Variants in RTTN observed in about 807,000 individuals in gnomAD.
The protein encoded by RTTN is rotatin.
Under a neutral mutation model 269.2 loss-of-function variants are expected in RTTN, and 182 were observed. That is an observed-to-expected ratio of 0.68 (90% CI 0.60 to 0.76). The LOEUF is 0.76. Among genes scored for constraint, RTTN ranks in the 30% least tolerant of loss-of-function variants. The pLI, the probability that RTTN is intolerant of heterozygous loss-of-function variation, is 0.00. For synonymous variants in RTTN, 1,006 were observed against 963.5 expected, an observed-to-expected ratio of 1.04 and a Z score of -0.82; for missense variants, 2,545 against 2,608.6, an observed-to-expected ratio of 0.98 and a Z score of 0.53.
At chr18:70,085,726 G>T (rs2058683277) in intron 32 of RTTN, among the ~76,000 whole-genome samples, 1 of 152,080 alleles carries the variant, frequency 6.6e-6, no homozygotes, top group Non-Finnish European at 1.5e-5. Flanking sequence ...CTCAAAAATA[G>T]AAAATCAAAT....
intron 42 of RTTN, among the ~76,000 whole-genome samples, chr18:70,029,026 T>C (rs1045624088): frequency 6.6e-6 from 1 of 152,174 alleles, no homozygotes; most frequent in African/African-American, 2.4e-5. Context: ...CTATCAAGCA[T>C]GGAGGAACTC....
chr18:70,145,029 C>T (rs1328912930), intron 18 of RTTN, among the ~76,000 whole-genome samples: 1 of 152,186 alleles, frequency 6.6e-6, no homozygotes, highest in Non-Finnish European at 1.5e-5. Context: ...ACAGCCGCTG[C>T]CCATTGCTGC....
At chr18:70,198,759 T>G (rs971567619) in intron 5 of RTTN, among the ~76,000 whole-genome samples, 6 of 152,178 alleles carry the variant, frequency 3.9e-5, no homozygotes, top group Non-Finnish European at 8.8e-5. Context: ...TTGAAATATA[T>G]TCTGCCAAAA....
At position 70,134,693 on chromosome 18, in the gene RTTN, C is replaced by T. The variant is rs1304108101; in HGVS notation, c.2886-152G>A. The T allele has an allele frequency of 5.2e-6, 3 of 578,454 alleles. No homozygotes were observed. In the African/African-American group the frequency reaches 5.8e-5, roughly 11 times the overall value. The allele number at this position is 578,454 out of a possible 1,614,324, so 35.8% of individuals were successfully genotyped here. ...TAGTATAGAAACAACATGTTTGCTA[C>T]TTCCTAGATTTGCTTATGAAGAGTA... On this transcript the variant is annotated intron_variant, in intron 22 of 48. Coordinates refer to ENST00000640769, the MANE Select transcript of RTTN (RefSeq NM_173630.4).
chr18:70,040,735 A>G (rs1487150307), intron 40 of RTTN, among the ~76,000 whole-genome samples: 1 of 152,216 alleles, frequency 6.6e-6, no homozygotes, highest in East Asian at 1.9e-4. Context: ...TCACAAAACA[A>G]GTCTTAAAAC....
At chr18:70,022,080 T>G (rs2056721661) in intron 44 of RTTN, among the ~76,000 whole-genome samples, 1 of 152,164 alleles carries the variant, frequency 6.6e-6, no homozygotes, top group Non-Finnish European at 1.5e-5. Context: ...CTAATTTATT[T>G]TCTTAAATTT....
intron 46 of RTTN, among the ~76,000 whole-genome samples, chr18:70,013,172 C>T (rs1327727452): frequency 6.6e-6 from 1 of 152,178 alleles, no homozygotes; most frequent in Non-Finnish European, 1.5e-5. Flanking sequence ...GAGGTTATGG[C>T]TGCAAGTGCT....
intron 14 of RTTN, among the ~76,000 whole-genome samples, chr18:70,161,686 G>A (rs2060835320): frequency 6.6e-6 from 1 of 151,994 alleles, no homozygotes; most frequent in Non-Finnish European, 1.5e-5. Flanking sequence ...ATGGGCAAAG[G>A]ACATAAACAG....
chr18:70,165,542 T>C (rs1488198832), intron 14 of RTTN, among the ~76,000 whole-genome samples: 2 of 151,944 alleles, frequency 1.3e-5, no homozygotes, highest in Non-Finnish European at 2.9e-5. Flanking sequence ...AAGGACACTT[T>C]CAAGAGTACG....
At chr18:70,174,786 C>T (rs1284661623) in intron 11 of RTTN, among the ~76,000 whole-genome samples, 1 of 151,072 alleles carries the variant, frequency 6.6e-6, no homozygotes, top group Non-Finnish European at 1.5e-5. Flanking sequence ...TTTGGGAGGC[C>T]GAGGCGGGCA....
At chr18:70,082,513 C>A (rs1358946953) in intron 32 of RTTN, among the ~76,000 whole-genome samples, 1 of 152,186 alleles carries the variant, frequency 6.6e-6, no homozygotes, top group East Asian at 1.9e-4. Context: ...ATACGGATTT[C>A]TGACACTAGT....
Position 70,075,384 on chromosome 18 carries a change from A to G in RTTN, c.4532T>C (p.Phe1511Ser), listed in dbSNP as rs1243322722. Reference protein sequence around the residue: ...RCMFDLNFSAFDRNSESNDLN... With the variant: ...RCMFDLNFSASDRNSESNDLN... ...ATCATTGCTTTCTGAATTTCTATCA[A>G]AAGCAGAAAAATTCAAATCAAACAT... Residue 1511 changes from phenylalanine (F) to serine (S), a missense_variant, in exon 33 of 49, where the codon TTT becomes TCT. Physicochemically the swap from Phe to Ser is radical, Grantham distance 155 (BLOSUM62 -2). Transcript: ENST00000640769. The G allele has an allele frequency of 1.3e-6, 2 of 1,591,086 alleles. No individual in the cohort carries two copies. Among genetic ancestry groups the G allele is most frequent in the Non-Finnish European group, 1.7e-6 (2 of 1,171,922 alleles).
intron 11 of RTTN, among the ~76,000 whole-genome samples, chr18:70,175,824 T>C (rs1049293083): frequency 1.3e-5 from 2 of 152,120 alleles, no homozygotes; most frequent in African/African-American, 2.4e-5. Flanking sequence ...CATTAAGATA[T>C]GCTAACTATA....
intron 26 of RTTN, among the ~76,000 whole-genome samples, chr18:70,116,905 T>C (rs1279105088): frequency 2.6e-5 from 2 of 76,756 alleles, no homozygotes; most frequent in Admixed American, 1.9e-4. Context: ...CCCACATTTG[T>C]GAACTTCCAT....
At chr18:70,118,270 T>C (rs970950133) in intron 26 of RTTN, among the ~76,000 whole-genome samples, 4 of 151,904 alleles carry the variant, frequency 2.6e-5, no homozygotes, top group Non-Finnish European at 5.9e-5. Flanking sequence ...GGGAAGACAT[T>C]ACAACAGATA....
At chr18:70,022,222 C>T (rs2056726799) in intron 44 of RTTN, among the ~76,000 whole-genome samples, 1 of 152,134 alleles carries the variant, frequency 6.6e-6, no homozygotes, top group Non-Finnish European at 1.5e-5. Flanking sequence ...CTTGTCTTTG[C>T]TCATTCTTAG....
intron 40 of RTTN, 53 bp downstream of exon 40, chr18:70,047,918 T>C: frequency 7.9e-6 from 11 of 1,398,728 alleles, no homozygotes; most frequent in Non-Finnish European, 1.1e-5. Flanking sequence ...TGACTGAAAG[T>C]CAATTTATTT....
chr18:70,006,144 AAAGT>A, intron 47 of RTTN: 1 of 384,542 alleles, frequency 2.6e-6, no homozygotes, highest in Non-Finnish European at 4.7e-6. Flanking sequence ...TTAAGAGGAA[AAAGT>A]CAGTTCAGAG....
At chr18:70,019,241 A>C (rs570158472) in intron 45 of RTTN, 2 of 152,304 alleles carry the variant, frequency 1.3e-5, no homozygotes, top group Admixed American at 1.3e-4. Context: ...CTGAAAGAGA[A>C]TAGGTCTCCA....
Sources: allele counts gnomAD v4.1 joint callset (sites outside exome capture counted in the v4.1 genomes callset), GRCh38; gene constraint gnomAD v4.1.1; transcripts MANE v1.5; gene names NCBI Gene and HGNC (gene_info 2026-07-23, HGNC 2026-07-21).